ADGRL3: variants seen among roughly 807,000 people sequenced by gnomAD.
The protein encoded by ADGRL3 is adhesion G protein-coupled receptor L3, also known as calcium-independent alpha-latrotoxin receptor 3.
ADGRL3 carries 62 observed loss-of-function variants against 153.5 expected under a neutral mutation model. That is an observed-to-expected ratio of 0.40 (90% confidence interval 0.33 to 0.50). The LOEUF is 0.50. ADGRL3 is among the 20% of genes least tolerant of loss of function. The probability of loss-of-function intolerance (pLI) is 0.47; values close to 1 mark genes in which losing one functional copy is unlikely to be tolerated. For synonymous variants in ADGRL3, 710 were observed against 672.5 expected (o/e 1.06, Z -0.86); for missense variants, 1,641 against 1,859.4 (o/e 0.88, Z 2.16).
chr4:61,439,562 G>A (rs2097502313), intron 2 of ADGRL3, among the ~76,000 whole-genome samples: 1 of 152,066 alleles, frequency 6.6e-6, no homozygotes, highest in African/African-American at 2.4e-5. Context: ...CCATCAACCC[G>A]TCACCTATAT....
chr4:61,964,012 A>G (rs1313771424), intron 17 of ADGRL3, among the ~76,000 whole-genome samples: 1 of 152,196 alleles, frequency 6.6e-6, no homozygotes, highest in Non-Finnish European at 1.5e-5. Flanking sequence ...TACATAGATT[A>G]TCTCATTTAA....
At chr4:61,637,504 C>T (rs2093475520) in intron 5 of ADGRL3, among the ~76,000 whole-genome samples, 1 of 152,148 alleles carries the variant, frequency 6.6e-6, no homozygotes, top group African/African-American at 2.4e-5. Flanking sequence ...TGACTTACAC[C>T]TGTAATCCCA....
At chr4:62,017,641 T>C (rs957640318) in intron 21 of ADGRL3, among the ~76,000 whole-genome samples, 1 of 152,104 alleles carries the variant, frequency 6.6e-6, no homozygotes, top group African/African-American at 2.4e-5. Flanking sequence ...GTAAGGATAT[T>C]TTTTTGTCCT....
intron 9 of ADGRL3, among the ~76,000 whole-genome samples, chr4:61,879,698 G>T (rs1231856417): frequency 6.6e-6 from 1 of 151,926 alleles, no homozygotes; most frequent in Non-Finnish European, 1.5e-5. Flanking sequence ...GAGGTCTTCA[G>T]GTCTTTATTA....
chr4:61,349,350 C>T (rs777451478), intron 1 of ADGRL3, among the ~76,000 whole-genome samples: 3 of 151,984 alleles, frequency 2.0e-5, no homozygotes, highest in African/African-American at 7.2e-5. Flanking sequence ...TAAATGTTTT[C>T]ATTCTACTGA....
rs909523681 is a variant in ADGRL3 at position 61,769,847 on chromosome 4, T to C, written c.1399+36293T>C. Among the ~76,000 whole-genome samples the C allele has an allele frequency of 3.9e-5, 6 of 151,986 alleles. No homozygotes were observed. In the East Asian group the frequency reaches 9.8e-4, roughly 25 times the overall value. On this transcript the variant is annotated intron_variant, in intron 8 of 26. Coordinates refer to ENST00000683033, the MANE Select transcript of ADGRL3 (RefSeq NM_001387552.1). The stretch of plus-strand genomic sequence containing the variant: ...GGAAAAGGACTTTCACAAGGTAATG[T>C]CATCAGTTAAGGCAAGGACTGGCCA...
intron 6 of ADGRL3, among the ~76,000 whole-genome samples, chr4:61,720,683 A>G (rs2096226939): frequency 6.6e-6 from 1 of 152,188 alleles, no homozygotes; most frequent in Non-Finnish European, 1.5e-5. Context: ...TGTATCTTGA[A>G]TGTGGCACTT....
At chr4:61,721,836 TG>T (rs1362282186) in intron 6 of ADGRL3, among the ~76,000 whole-genome samples, 2 of 152,176 alleles carry the variant, frequency 1.3e-5, no homozygotes, top group Non-Finnish European at 2.9e-5. Context: ...AGAAGCTTCA[TG>T]TAGGTTTTAC....
chr4:61,665,863 T>A (rs1235534093), intron 5 of ADGRL3, among the ~76,000 whole-genome samples: 1 of 152,082 alleles, frequency 6.6e-6, no homozygotes, highest in African/African-American at 2.4e-5. Context: ...CAGTACCAAG[T>A]GGGAGATAAA....
intron 1 of ADGRL3, among the ~76,000 whole-genome samples, chr4:61,234,639 G>T (rs1247018914): frequency 2.0e-5 from 3 of 152,192 alleles, no homozygotes; most frequent in Non-Finnish European, 4.4e-5. Flanking sequence ...AGTGAGCCTG[G>T]AGGGTTGGTC....
intron 9 of ADGRL3, among the ~76,000 whole-genome samples, chr4:61,859,626 A>T (rs1435508122): frequency 6.6e-6 from 1 of 152,194 alleles, no homozygotes; most frequent in Non-Finnish European, 1.5e-5. Context: ...CAGTAACCTC[A>T]TGAAGTTCTG....
chr4:61,915,441 T>C (rs1021291276), intron 13 of ADGRL3, among the ~76,000 whole-genome samples: 2 of 151,940 alleles, frequency 1.3e-5, no homozygotes, highest in Non-Finnish European at 2.9e-5. Context: ...TTGTTTTTGA[T>C]TGCAATCTAT....
chr4:61,833,683 T>C (rs1362329812), intron 9 of ADGRL3, among the ~76,000 whole-genome samples: 2 of 152,152 alleles, frequency 1.3e-5, no homozygotes, highest in African/African-American at 4.8e-5. Flanking sequence ...CAGAATCTTG[T>C]AGCCTCCAGC....
intron 1 of ADGRL3, among the ~76,000 whole-genome samples, chr4:61,337,389 C>G (rs2095701751): frequency 6.6e-6 from 1 of 152,118 alleles, no homozygotes; most frequent in African/African-American, 2.4e-5. Context: ...CACTCCCACC[C>G]ATTACTTTGC....
At chr4:61,734,267 T>TA in intron 8 of ADGRL3, among the ~76,000 whole-genome samples, 1 of 152,268 alleles carries the variant, frequency 6.6e-6, no homozygotes, top group Middle Eastern at 3.4e-3. Flanking sequence ...CATTTTTATG[T>TA]ACTCAACTGA....
chr4:61,669,677 A>T (rs1480177398), intron 5 of ADGRL3, among the ~76,000 whole-genome samples: 2 of 152,178 alleles, frequency 1.3e-5, no homozygotes, highest in Non-Finnish European at 2.9e-5. Flanking sequence ...TACTAAGTGG[A>T]TATGTGTTTT....
At chr4:61,392,354 A>G (rs1314503936) in intron 2 of ADGRL3, among the ~76,000 whole-genome samples, 1 of 152,052 alleles carries the variant, frequency 6.6e-6, no homozygotes, top group Non-Finnish European at 1.5e-5. Context: ...AGTGCCCTTC[A>G]GAATTTACAC....
At chr4:61,642,116 C>T (rs986021140) in intron 5 of ADGRL3, among the ~76,000 whole-genome samples, 6 of 146,394 alleles carry the variant, frequency 4.1e-5, no homozygotes, top group African/African-American at 1.5e-4. Context: ...TGTCCTTTGC[C>T]CACTTTTTGA....
At chr4:61,752,295 A>G (rs2096766971) in intron 8 of ADGRL3, among the ~76,000 whole-genome samples, 1 of 152,218 alleles carries the variant, frequency 6.6e-6, no homozygotes, top group Non-Finnish European at 1.5e-5. Flanking sequence ...ATTAAACTTC[A>G]GTGCTTTTAC....
Sources: gnomAD v4.1 joint callset for allele counts (sites outside exome capture counted in the v4.1 genomes callset) on GRCh38, gnomAD v4.1.1 for gene constraint, MANE v1.5 for transcripts, NCBI Gene and HGNC (gene_info 2026-07-23, HGNC 2026-07-21) for gene names.